Variants in EXOC6B observed in about 807,000 individuals in gnomAD.
The protein encoded by EXOC6B is SEC15 homolog B.
Under a neutral mutation model 113.5 loss-of-function variants are expected in EXOC6B, and 54 were observed. The ratio of observed to expected loss-of-function variants is 0.48; its 90% CI spans 0.38 to 0.60. The LOEUF (loss-of-function observed/expected upper bound fraction) is 0.60. Ranked by LOEUF, EXOC6B falls within the 20% of genes least tolerant of loss-of-function variation. The probability of loss-of-function intolerance (pLI) is 0.00; values close to 1 mark genes in which losing one functional copy is unlikely to be tolerated. For missense variants in EXOC6B, 797 were observed against 977.5 expected, an observed-to-expected ratio of 0.82 and a Z score of 2.46; for synonymous variants, 357 against 339.0, an observed-to-expected ratio of 1.05 and a Z score of -0.58.
chr2:72,423,362 G>A (rs1053985824), intron 18 of EXOC6B, among the ~76,000 whole-genome samples: 3 of 152,184 alleles, frequency 2.0e-5, no homozygotes, highest in Admixed American at 6.5e-5. Context: ...CGAAGTCAGT[G>A]AGACCAAGAA....
intron 18 of EXOC6B, among the ~76,000 whole-genome samples, chr2:72,407,409 CAA>C (rs995035621): frequency 6.6e-6 from 1 of 151,970 alleles, no homozygotes; most frequent in Admixed American, 6.6e-5. Flanking sequence ...AGAGACATAA[CAA>C]AAAAAGAGAA....
At chr2:72,232,575 A>G (rs1681694744) in intron 20 of EXOC6B, among the ~76,000 whole-genome samples, 1 of 152,316 alleles carries the variant, frequency 6.6e-6, no homozygotes. Flanking sequence ...ATGCTTAACC[A>G]CAGAAAAGTC....
chr2:72,612,274 CA>C (rs1028572503), intron 6 of EXOC6B, among the ~76,000 whole-genome samples: 47 of 139,796 alleles, frequency 3.4e-4, no homozygotes, highest in Admixed American at 2.9e-4. Context: ...GACTCTGTCT[CA>C]AAAAAAAAAA....
At chr2:72,593,792 A>C (rs1185793028) in intron 6 of EXOC6B, among the ~76,000 whole-genome samples, 2 of 152,210 alleles carry the variant, frequency 1.3e-5, no homozygotes, top group Admixed American at 6.5e-5. Context: ...CTTTATGCCT[A>C]TATATTCAAC....
chr2:72,315,540 A>T (rs141740328), intron 20 of EXOC6B, among the ~76,000 whole-genome samples: 2 of 152,294 alleles, frequency 1.3e-5, no homozygotes, highest in Admixed American at 1.3e-4. Flanking sequence ...AGAATCATGG[A>T]GACCAGTTAA....
intron 19 of EXOC6B, among the ~76,000 whole-genome samples, chr2:72,361,199 T>G (rs1690294240): frequency 6.6e-6 from 1 of 152,180 alleles, no homozygotes; most frequent in African/African-American, 2.4e-5. Flanking sequence ...ACTGCGTGGT[T>G]ATGCATTTTG....
At chr2:72,765,544 G>T (rs1318884011) in intron 1 of EXOC6B, among the ~76,000 whole-genome samples, 2 of 152,052 alleles carry the variant, frequency 1.3e-5, no homozygotes, top group African/African-American at 2.4e-5. Flanking sequence ...ATGATGACTG[G>T]TGCCTATAAT....
chr2:72,449,426 C>T (rs1437213407), intron 18 of EXOC6B, among the ~76,000 whole-genome samples: 1 of 151,858 alleles, frequency 6.6e-6, no homozygotes, highest in Non-Finnish European at 1.5e-5. Context: ...CCGCCTCTGC[C>T]TCCCAAAGTG....
intron 1 of EXOC6B, among the ~76,000 whole-genome samples, chr2:72,810,970 G>A (rs2105126961): frequency 6.6e-6 from 1 of 151,830 alleles, no homozygotes; most frequent in African/African-American, 2.4e-5. Flanking sequence ...TCACTTAGGA[G>A]GTGAAGGTTC....
intron 20 of EXOC6B, among the ~76,000 whole-genome samples, chr2:72,201,452 A>T (rs1274077112): frequency 6.6e-6 from 1 of 152,150 alleles, no homozygotes; most frequent in African/African-American, 2.4e-5. Flanking sequence ...ATAGCAGGCC[A>T]TTTAGTGAAC....
chr2:72,188,838 A>G (rs1047659002), intron 20 of EXOC6B, among the ~76,000 whole-genome samples: 1 of 152,214 alleles, frequency 6.6e-6, no homozygotes, highest in African/African-American at 2.4e-5. Context: ...AAAGAGCAAC[A>G]TATTGCTTCC....
chr2:72,575,506 C>T lies in EXOC6B; in HGVS notation c.832G>A (p.Glu278Lys), dbSNP rs1360377292. 6.2e-7 allele frequency: 1 copy of T among 1,606,006 alleles called. No homozygotes were observed. Among genetic ancestry groups the T allele is most frequent in the Non-Finnish European group, 8.5e-7 (1 of 1,177,292 alleles). Residue 278 changes from glutamate (E) to lysine (K), a missense_variant, in exon 7 of 22, where the codon GAA becomes AAA. Coordinates refer to ENST00000272427, the MANE Select transcript of EXOC6B (RefSeq NM_015189.3). ...ATGTTACTTACCTCTTCATCATCTTCCTCGTCTTCAACATCCAGAATTCCT... is the reference window on the plus strand; with the variant it reads ...ATGTTACTTACCTCTTCATCATCTTTCTCGTCTTCAACATCCAGAATTCCT... ...DSGILDVEDE[E>K]DDEEVPGAQD...
Position 72,178,663 on chromosome 2 carries a change from T to G in EXOC6B, c.*672A>C, listed in dbSNP as rs1347234378. The G allele has an allele frequency of 6.6e-6, 1 of 152,242 alleles. No homozygotes were observed. Among genetic ancestry groups the G allele is most frequent in the East Asian group, 1.9e-4 (1 of 5,196 alleles). 9.4% of individuals were successfully genotyped at this position (152,242 alleles called of 1,614,324 possible). On this transcript the variant is annotated 3_prime_UTR_variant, in exon 22 of 22. Transcript: ENST00000272427. ...GTTAAACATGGGATCCAATTATTAC[T>G]GCTGTCTACTTAGCTGTATCCTGCC...
At chr2:72,802,635 T>C (rs1685352319) in intron 1 of EXOC6B, among the ~76,000 whole-genome samples, 1 of 152,196 alleles carries the variant, frequency 6.6e-6, no homozygotes, top group Non-Finnish European at 1.5e-5. Context: ...TGTTACTATA[T>C]AGTCGTATTA....
chr2:72,590,940 G>A (rs754936980), intron 6 of EXOC6B, among the ~76,000 whole-genome samples: 34 of 152,076 alleles, frequency 2.2e-4, no homozygotes, highest in Admixed American at 3.9e-4. Flanking sequence ...AACCATAGTA[G>A]AGAGCTAAGA....
intron 20 of EXOC6B, among the ~76,000 whole-genome samples, chr2:72,325,173 C>A (rs966746747): frequency 6.6e-6 from 1 of 152,150 alleles, no homozygotes; most frequent in Non-Finnish European, 1.5e-5. Flanking sequence ...AATCCCTTAA[C>A]CGCATCTGAG....
At chr2:72,612,135 C>T (rs548561542) in intron 6 of EXOC6B, among the ~76,000 whole-genome samples, 5 of 152,008 alleles carry the variant, frequency 3.3e-5, no homozygotes, top group African/African-American at 1.2e-4. Context: ...ATTAGCCAGG[C>T]GTGGAGGAGC....
Position 72,581,766 on chromosome 2 carries a change from G to A in EXOC6B, c.670-6098C>T, listed in dbSNP as rs551837782. On this transcript the variant is annotated intron_variant, in intron 6 of 21. Transcript: ENST00000272427. The stretch of plus-strand genomic sequence containing the variant: ...CTAGGCATACCTCTGGGCACTTGGT[G>A]GCCCCCCACTGGATTCTCCTTCAGC... 2.0e-5 allele frequency among the ~76,000 whole-genome samples: 3 copies of A among 152,258 alleles called. No homozygotes were observed. The South Asian group carries it at 6.2e-4, about 32-fold the overall frequency.
intron 8 of EXOC6B, among the ~76,000 whole-genome samples, chr2:72,550,007 T>G (rs1160185374): frequency 6.6e-6 from 1 of 152,070 alleles, no homozygotes; most frequent in Non-Finnish European, 1.5e-5. Flanking sequence ...AAGATAAATA[T>G]ACAGGGTTGA....
Sources: gnomAD v4.1 joint callset for allele counts (sites outside exome capture counted in the v4.1 genomes callset) on GRCh38, gnomAD v4.1.1 for gene constraint, MANE v1.5 for transcripts, NCBI Gene and HGNC (gene_info 2026-07-23, HGNC 2026-07-21) for gene names.